The following PRH1 variants were observed in gnomAD, a reference collection of about 807,000 sequenced individuals.
The protein encoded by PRH1 is salivary acidic proline-rich phosphoprotein 1/2.
PRH1 carries 7 observed loss-of-function variants against 7.9 expected under a neutral mutation model. That is an observed-to-expected ratio of 0.89 (90% CI 0.50 to 1.67). The LOEUF is 1.67. Among genes scored for constraint, PRH1 ranks in the 40% most tolerant of loss-of-function variants. The pLI is 0.00. For missense variants in PRH1, 109 were observed against 223.6 expected (o/e 0.49, Z 3.27); for synonymous variants, 45 against 80.8 (o/e 0.56, Z 2.38).
chr12:11,125,509 A>ACTAAG (rs1342209715), intron 1 of PRH1, among the ~76,000 whole-genome samples: 1 of 152,296 alleles, frequency 6.6e-6, no homozygotes, highest in Non-Finnish European at 1.5e-5. Context: ...GTTATACTAC[A>ACTAAG]TATGTTTTAT....
intron 1 of PRH1, among the ~76,000 whole-genome samples, chr12:10,976,509 G>A (rs1939104220): frequency 6.6e-6 from 1 of 152,032 alleles, no homozygotes; most frequent in Non-Finnish European, 1.5e-5. Flanking sequence ...CCAACAAAAA[G>A]ACCTAGACAA....
intron 2 of PRH1, among the ~76,000 whole-genome samples, chr12:10,941,629 T>C (rs1950403231): frequency 6.6e-6 from 1 of 151,978 alleles, no homozygotes; most frequent in Non-Finnish European, 1.5e-5. Context: ...ACTTCTTGTA[T>C]CATATTTTTG....
Position 11,093,783 on chromosome 12 carries a change from G to C in PRH1, n.124-46595C>G, listed in dbSNP as rs1338387315. ...ACAGTTTGCATAGAGATTTGAGATG[G>C]CTTCCATACTGGGGATTCTTCCTCT... On this transcript the variant is annotated intron_variant and non_coding_transcript_variant, in intron 1 of 4. Transcript: ENST00000541977. Among the ~76,000 whole-genome samples, 4 of 113,420 alleles carry C rather than the reference G, an allele frequency of 3.5e-5. 2 individuals carry two copies. Among genetic ancestry groups the C allele is most frequent in the Non-Finnish European group, 8.3e-5 (4 of 48,128 alleles). The allele number at this position is 113,420 out of a possible 152,430, so 74.4% of individuals were successfully genotyped here.
upstream of PRH1, among the ~76,000 whole-genome samples, chr12:11,052,053 G>A (rs1943168663): frequency 6.6e-6 from 1 of 152,378 alleles, no homozygotes; most frequent in Non-Finnish European, 1.5e-5. Flanking sequence ...ACATAGAAAA[G>A]CCCAAAACAC....
intron 1 of PRH1, among the ~76,000 whole-genome samples, chr12:11,073,537 C>A (rs1233467308): frequency 8.6e-5 from 13 of 151,430 alleles, no homozygotes; most frequent in African/African-American, 1.5e-4. Flanking sequence ...TTGGAGTCCA[C>A]AAATACCACA....
chr12:10,926,973 C>T (rs148214017), intron 2 of PRH1, among the ~76,000 whole-genome samples: 2 of 152,306 alleles, frequency 1.3e-5, no homozygotes, highest in East Asian at 3.9e-4. Flanking sequence ...TCCTACTTCT[C>T]CCTTTCACCC....
At chr12:11,087,958 A>C (rs1179510660) in intron 1 of PRH1, among the ~76,000 whole-genome samples, 1 of 88,344 alleles carries the variant, frequency 1.1e-5, no homozygotes, top group Non-Finnish European at 2.8e-5. Flanking sequence ...AATAATAATA[A>C]CACTGTCACT....
chr12:10,889,250 G>C (rs1020189661), upstream of PRH1, among the ~76,000 whole-genome samples: 2 of 152,072 alleles, frequency 1.3e-5, no homozygotes, highest in Non-Finnish European at 2.9e-5. Context: ...AGAATGCCTG[G>C]ATTTCCTTTA....
intron 2 of PRH1, among the ~76,000 whole-genome samples, chr12:10,966,375 C>A (rs778765693): frequency 6.6e-6 from 1 of 152,206 alleles, no homozygotes; most frequent in African/African-American, 2.4e-5. Flanking sequence ...CTTTGATTAA[C>A]AGAAAATTGG....
intron 2 of PRH1, among the ~76,000 whole-genome samples, chr12:10,967,714 A>T (rs1938577726): frequency 6.6e-6 from 1 of 152,266 alleles, no homozygotes; most frequent in East Asian, 1.9e-4. Flanking sequence ...TTCAATGAAC[A>T]GCACTGGATC....
At chr12:11,025,636 C>T (rs544378244) in intron 1 of PRH1, among the ~76,000 whole-genome samples, 10 of 152,412 alleles carry the variant, frequency 6.6e-5, no homozygotes, top group African/African-American at 1.9e-4. Flanking sequence ...TATTTTCTCT[C>T]CTCTAATCTT....
chr12:11,039,691 G>A (rs2597981), intron 1 of PRH1, among the ~76,000 whole-genome samples: 67,319 of 150,916 alleles, frequency 0.45, 15,471 homozygotes, highest in Non-Finnish European at 0.51. Flanking sequence ...AATGAATCCC[G>A]TCTTTTCCTA....
intron 1 of PRH1, among the ~76,000 whole-genome samples, chr12:10,983,368 C>T (rs1242902654): frequency 6.6e-6 from 1 of 152,200 alleles, no homozygotes; most frequent in Non-Finnish European, 1.5e-5. Flanking sequence ...GGGCATGAGC[C>T]AATCTGAGTT....
chr12:11,150,690 G>A (rs374564856), intron 1 of PRH1, among the ~76,000 whole-genome samples: 11 of 152,226 alleles, frequency 7.2e-5, no homozygotes, highest in East Asian at 5.8e-4. Context: ...GGAAGGGGAA[G>A]GGATAGCATT....
At position 10,943,414 on chromosome 12, in the gene PRH1, T is replaced by C. The variant is rs116749699; in HGVS notation, c.-59+30241A>G. Among the ~76,000 whole-genome samples the C allele has an allele frequency of 6.8e-3, 1,037 of 152,308 alleles. 15 individuals are homozygous for C. Among genetic ancestry groups the C allele is most frequent in the African/African-American group, 0.024 (1,003 of 41,566 alleles). ...GTCTGTTCAGGTCTTTTGCCCACTT[T>C]TTAATGTGGTTGTTTTTCTCTTGTA... is the stretch of plus-strand genomic sequence containing the variant. On this transcript the variant is annotated intron_variant, in intron 2 of 3. Coordinates refer to the PRH1 transcript ENST00000539853.
intron 1 of PRH1, among the ~76,000 whole-genome samples, chr12:11,023,683 C>T (rs1026840803): frequency 2.6e-5 from 4 of 152,200 alleles, no homozygotes; most frequent in African/African-American, 9.7e-5. Flanking sequence ...AGGACATCAT[C>T]TGGCTAGCAC....
intron 1 of PRH1, among the ~76,000 whole-genome samples, chr12:11,067,981 C>A (rs1472006725): frequency 6.6e-6 from 1 of 152,084 alleles, no homozygotes; most frequent in Non-Finnish European, 1.5e-5. Context: ...TGCTGTATCA[C>A]CCTAATTTTA....
intron 1 of PRH1, among the ~76,000 whole-genome samples, chr12:10,984,131 C>A (rs1300577610): frequency 6.7e-6 from 1 of 149,960 alleles, no homozygotes; most frequent in East Asian, 1.9e-4. Flanking sequence ...CACTAACCAG[C>A]TGGAAATATC....
intron 1 of PRH1, among the ~76,000 whole-genome samples, chr12:11,054,749 A>T (rs1943288662): frequency 6.6e-6 from 1 of 152,038 alleles, no homozygotes; most frequent in African/African-American, 2.4e-5. Flanking sequence ...TGGAAATAAG[A>T]AAAAAAGGTG....
Sources: gnomAD v4.1 joint callset for allele counts (sites outside exome capture counted in the v4.1 genomes callset) on GRCh38, gnomAD v4.1.1 for gene constraint, MANE v1.5 for transcripts, NCBI Gene and HGNC (gene_info 2026-07-23, HGNC 2026-07-21) for gene names.